LCOR: variants seen among roughly 807,000 people sequenced by gnomAD.
LCOR encodes ligand-dependent corepressor.
In LCOR, 14 loss-of-function variants were observed where a neutral mutation model predicts 64.4. The ratio of observed to expected loss-of-function variants is 0.22; its 90% CI spans 0.14 to 0.34. LCOR has a LOEUF of 0.34. Ranked by LOEUF, LCOR falls within the 10% of genes least tolerant of loss-of-function variation. The probability of loss-of-function intolerance (pLI) is 1.00; values close to 1 mark genes in which losing one functional copy is unlikely to be tolerated. For synonymous variants in LCOR, 643 were observed against 642.5 expected, an observed-to-expected ratio of 1.00 and a Z score of -0.01; for missense variants, 1,686 against 1,765.3, an observed-to-expected ratio of 0.96 and a Z score of 0.80.
At position 96,916,587 on chromosome 10, in the gene LCOR, C is replaced by CCATATATATATATATA. The variant is rs375266535; in HGVS notation, c.-184+8840_-184+8841insCATATATATATATATA. 4.5e-4 allele frequency among the ~76,000 whole-genome samples: 62 copies of CCATATATATATATATA among 138,224 alleles called. 1 individual carries two copies. Among genetic ancestry groups the CCATATATATATATATA allele is most frequent in the African/African-American group, 1.5e-3 (53 of 36,092 alleles). 90.7% of individuals were successfully genotyped at this position (138,224 alleles called of 152,430 possible). A position where few individuals can be genotyped will look rare whatever the true frequency, so the allele number is the denominator to read the frequency against. On this transcript the variant is annotated intron_variant, in intron 4 of 7. Transcript: ENST00000421806. Reference sequence around the variant, plus strand: ...GAAACACATATGAGATATTTAAAGGCTATATATATATATATATATCTATAT... The same window carrying CCATATATATATATATA: ...GAAACACATATGAGATATTTAAAGGCCATATATATATATATATATATATATATATATATATCTATAT...
At chr10:96,842,796 A>G (rs559600480) in intron 2 of LCOR, among the ~76,000 whole-genome samples, 81 of 151,092 alleles carry the variant, frequency 5.4e-4, no homozygotes, top group Middle Eastern at 6.8e-3. Flanking sequence ...ACAGCCCACT[A>G]GTTCTTGTTT....
intron 2 of LCOR, among the ~76,000 whole-genome samples, chr10:96,852,128 T>C (rs1254319803): frequency 6.6e-6 from 1 of 152,214 alleles, no homozygotes; most frequent in Non-Finnish European, 1.5e-5. Flanking sequence ...AAATTACCTT[T>C]AGGTTAGGCC....
rs191387215 is a variant in LCOR at position 96,916,716 on chromosome 10, G to A, written c.-184+8969G>A. On this transcript the variant is annotated intron_variant, in intron 4 of 7. Coordinates refer to ENST00000421806, the MANE Select transcript of LCOR (RefSeq NM_001346516.2). ...TGCAACCCTCACCTCCTGGGTTCAA[G>A]CAATTCTCGTGCCTCAACCTCCTGA... Among the ~76,000 whole-genome samples the A allele has an allele frequency of 2.2e-3, 334 of 151,874 alleles. 2 individuals carry two copies. Among genetic ancestry groups the A allele is most frequent in the African/African-American group, 7.7e-3 (319 of 41,404 alleles).
At position 96,869,020 on chromosome 10, in the gene LCOR, C is replaced by T. The variant is rs79174388; in HGVS notation, c.-330+35541C>T. 2.0e-5 allele frequency among the ~76,000 whole-genome samples: 3 copies of T among 152,308 alleles called. No individual in the cohort carries two copies. In the East Asian group the frequency reaches 5.8e-4, roughly 29 times the overall value. ...TCCCAGGTTCAAATGATTCTCCCACCTCAGCCTCCAGAGTAGCTGGGATTA... is the reference window on the plus strand; with the variant it reads ...TCCCAGGTTCAAATGATTCTCCCACTTCAGCCTCCAGAGTAGCTGGGATTA... On this transcript the variant is annotated intron_variant, in intron 2 of 7. Coordinates refer to ENST00000421806, the MANE Select transcript of LCOR (RefSeq NM_001346516.2).
chr10:96,938,036 T>C (rs1212627656), intron 4 of LCOR, among the ~76,000 whole-genome samples: 1 of 152,164 alleles, frequency 6.6e-6, no homozygotes, highest in African/African-American at 2.4e-5. Flanking sequence ...ACTGCAGCCT[T>C]GACCTCCCAG....
At chr10:96,915,065 C>T (rs1224651365) in intron 4 of LCOR, among the ~76,000 whole-genome samples, 2 of 152,112 alleles carry the variant, frequency 1.3e-5, no homozygotes, top group Non-Finnish European at 2.9e-5. Context: ...TCAGGGAATC[C>T]CACTTCCTGG....
At chr10:96,933,808 G>A (rs1466502480) in intron 4 of LCOR, among the ~76,000 whole-genome samples, 4 of 152,138 alleles carry the variant, frequency 2.6e-5, no homozygotes, top group South Asian at 4.1e-4. Flanking sequence ...ATGAGTCACC[G>A]TGCCTGGCCG....
chr10:96,838,441 T>C (rs995268240), intron 2 of LCOR, among the ~76,000 whole-genome samples: 6 of 152,110 alleles, frequency 3.9e-5, no homozygotes, highest in African/African-American at 7.2e-5. Context: ...TTTTATTTCC[T>C]AAAAAAGAAA....
intron 4 of LCOR, among the ~76,000 whole-genome samples, chr10:96,925,082 T>C (rs1015033240): frequency 6.6e-6 from 1 of 151,874 alleles, no homozygotes; most frequent in Admixed American, 6.6e-5. Context: ...TTTTTATTTA[T>C]TTATTTATTT....
chr10:96,966,918 T>C (rs887336439), intron 7 of LCOR, among the ~76,000 whole-genome samples: 2 of 152,180 alleles, frequency 1.3e-5, no homozygotes, highest in Non-Finnish European at 2.9e-5. Context: ...CAATTTTTTG[T>C]GGAGACAAGG....
At chr10:96,935,462 T>C (rs1180932315) in intron 4 of LCOR, among the ~76,000 whole-genome samples, 2 of 152,104 alleles carry the variant, frequency 1.3e-5, no homozygotes, top group Non-Finnish European at 2.9e-5. Flanking sequence ...TCCTGGCTAT[T>C]TTATTAGCTC....
chr10:96,934,581 C>A (rs1459876536), intron 4 of LCOR, among the ~76,000 whole-genome samples: 1 of 152,114 alleles, frequency 6.6e-6, no homozygotes, highest in Non-Finnish European at 1.5e-5. Context: ...GATAGAAATT[C>A]CAGTTGAAAT....
chr10:96,869,405 G>A (rs1402913582), intron 2 of LCOR, among the ~76,000 whole-genome samples: 1 of 151,956 alleles, frequency 6.6e-6, no homozygotes, highest in East Asian at 1.9e-4. Context: ...AGTAGAGATG[G>A]GGTTTCACCA....
At chr10:96,920,772 A>C (rs1564626525) in intron 4 of LCOR, among the ~76,000 whole-genome samples, 1 of 124,814 alleles carries the variant, frequency 8.0e-6, no homozygotes, top group Non-Finnish European at 1.6e-5. Flanking sequence ...ACACACACAC[A>C]CACACACACA....
At chr10:96,924,271 C>T (rs1239423562) in intron 4 of LCOR, among the ~76,000 whole-genome samples, 1 of 152,090 alleles carries the variant, frequency 6.6e-6, no homozygotes, top group African/African-American at 2.4e-5. Flanking sequence ...GACGTGATCT[C>T]GGCTCGCTGC....
At chr10:96,925,339 T>A (rs1385097907) in intron 4 of LCOR, among the ~76,000 whole-genome samples, 1 of 152,150 alleles carries the variant, frequency 6.6e-6, no homozygotes. Flanking sequence ...CCTCCCAAAG[T>A]GTTGGGATTA....
At chr10:96,912,281 T>A (rs899244256) in intron 4 of LCOR, among the ~76,000 whole-genome samples, 1 of 152,220 alleles carries the variant, frequency 6.6e-6, no homozygotes, top group African/African-American at 2.4e-5. Flanking sequence ...TTTAGCCTTA[T>A]AAAGCAATTG....
intron 2 of LCOR, among the ~76,000 whole-genome samples, chr10:96,888,980 C>T (rs949036169): frequency 4.6e-5 from 7 of 152,098 alleles, no homozygotes; most frequent in African/African-American, 1.4e-4. Context: ...TTGTATCTTC[C>T]GTTATTTCAC....
intron 7 of LCOR, chr10:96,963,615 A>G (rs1489876984): frequency 1.3e-5 from 2 of 152,236 alleles, no homozygotes; most frequent in Non-Finnish European, 2.9e-5. Context: ...CTAGGTCTGC[A>G]TATCAGCAGA....
Sources: allele counts gnomAD v4.1 joint callset (sites outside exome capture counted in the v4.1 genomes callset), GRCh38; gene constraint gnomAD v4.1.1; transcripts MANE v1.5; gene names NCBI Gene and HGNC (gene_info 2026-07-23, HGNC 2026-07-21).